KCND2: variants seen among roughly 807,000 people sequenced by gnomAD.
The protein encoded by KCND2 is potassium voltage-gated channel subfamily D member 2, also known as A-type voltage-gated potassium channel KCND2.
In KCND2, 16 loss-of-function variants were observed where a neutral mutation model predicts 54.4. That is an observed-to-expected ratio of 0.29 (90% CI 0.20 to 0.45). The LOEUF is 0.45. KCND2 is among the 20% of genes least tolerant of loss of function. The probability of loss-of-function intolerance (pLI) is 1.00; values close to 1 mark genes in which losing one functional copy is unlikely to be tolerated. For missense variants in KCND2, 486 were observed against 824.2 expected, an observed-to-expected ratio of 0.59 and a Z score of 5.02; for synonymous variants, 317 against 310.7, an observed-to-expected ratio of 1.02 and a Z score of -0.21.
At chr7:120,732,510 T>G (rs1263182406) in intron 1 of KCND2, among the ~76,000 whole-genome samples, 1 of 152,126 alleles carries the variant, frequency 6.6e-6, no homozygotes, top group Non-Finnish European at 1.5e-5. Context: ...CATAACCAAT[T>G]GAATGTTGAA....
At chr7:120,613,987 C>T (rs375654670) in intron 1 of KCND2, among the ~76,000 whole-genome samples, 225 of 150,990 alleles carry the variant, frequency 1.5e-3, no homozygotes, top group African/African-American at 5.0e-3. Flanking sequence ...ATAAACAACT[C>T]TCTAACAAAG....
chr7:120,636,490 TTAAG>T (rs1384550345), intron 1 of KCND2, among the ~76,000 whole-genome samples: 1 of 152,126 alleles, frequency 6.6e-6, no homozygotes, highest in Non-Finnish European at 1.5e-5. Context: ...TTTTGCATAA[TTAAG>T]TAATGAAGCA....
intron 1 of KCND2, among the ~76,000 whole-genome samples, chr7:120,552,284 T>C (rs1439894703): frequency 2.0e-5 from 3 of 152,200 alleles, no homozygotes; most frequent in East Asian, 1.9e-4. Flanking sequence ...GAGTAACTAA[T>C]AGTGAGAACA....
At chr7:120,703,462 T>C (rs996476261) in intron 1 of KCND2, among the ~76,000 whole-genome samples, 13 of 152,200 alleles carry the variant, frequency 8.5e-5, no homozygotes, top group Admixed American at 3.9e-4. Context: ...TCACTCTTTA[T>C]GGTTAAAGTA....
chr7:120,425,461 T>C (rs765741448), intron 1 of KCND2, among the ~76,000 whole-genome samples: 20 of 152,222 alleles, frequency 1.3e-4, no homozygotes, highest in Non-Finnish European at 1.9e-4. Flanking sequence ...TGACATACAG[T>C]GATGATACAC....
chr7:120,521,527 A>G (rs1437974361), intron 1 of KCND2, among the ~76,000 whole-genome samples: 1 of 152,104 alleles, frequency 6.6e-6, no homozygotes, highest in Admixed American at 6.6e-5. Flanking sequence ...ATTAAGTCAC[A>G]TTCAGCAAAG....
At chr7:120,613,422 T>C (rs928685530) in intron 1 of KCND2, among the ~76,000 whole-genome samples, 6 of 152,048 alleles carry the variant, frequency 3.9e-5, no homozygotes, top group African/African-American at 1.2e-4. Context: ...TCACAGTTAC[T>C]TGGGAGGCTG....
At chr7:120,358,470 G>A (rs914256886) in intron 1 of KCND2, among the ~76,000 whole-genome samples, 5 of 152,170 alleles carry the variant, frequency 3.3e-5, no homozygotes, top group African/African-American at 1.2e-4. Flanking sequence ...AAACTTTTCA[G>A]ATTTTGGTGC....
At chr7:120,672,003 C>T (rs1346743497) in intron 1 of KCND2, among the ~76,000 whole-genome samples, 1 of 152,072 alleles carries the variant, frequency 6.6e-6, no homozygotes, top group East Asian at 1.9e-4. Context: ...TCATGGTCTT[C>T]CTGTCTTCAA....
At chr7:120,299,171 T>C (rs1413084941) in intron 1 of KCND2, among the ~76,000 whole-genome samples, 1 of 151,884 alleles carries the variant, frequency 6.6e-6, no homozygotes, top group Non-Finnish European at 1.5e-5. Context: ...AAAAAAAAAA[T>C]TGAGAATGGA....
At chr7:120,654,726 TCAGTAAAGTGCTA>T (rs557212295) in intron 1 of KCND2, among the ~76,000 whole-genome samples, 33 of 152,106 alleles carry the variant, frequency 2.2e-4, no homozygotes, top group African/African-American at 7.7e-4. Flanking sequence ...GCCAAGCAAA[TCAGTAAAGTGCTA>T]CAGTAAAGTG....
At chr7:120,307,374 T>C (rs930965764) in intron 1 of KCND2, among the ~76,000 whole-genome samples, 1 of 152,028 alleles carries the variant, frequency 6.6e-6, no homozygotes, top group African/African-American at 2.4e-5. Flanking sequence ...GTGGTAAAAG[T>C]ATACAAATTT....
chr7:120,449,911 A>G (rs1042488928), intron 1 of KCND2, among the ~76,000 whole-genome samples: 2 of 152,266 alleles, frequency 1.3e-5, no homozygotes, highest in Non-Finnish European at 2.9e-5. Context: ...ATCACTCTTT[A>G]TAATATGAAA....
chr7:120,658,821 A>T lies in KCND2; in HGVS notation c.1116-74082A>T, dbSNP rs1791833767. On this transcript the variant is annotated intron_variant, in intron 1 of 5. Coordinates refer to ENST00000331113, the MANE Select transcript of KCND2 (RefSeq NM_012281.3). ...CATGTCAGTACAATGCATTAATTGA[A>T]AATGTACTTCTTCCACACACCCACA... Among the ~76,000 whole-genome samples, 3 of 152,354 alleles carry T rather than the reference A, an allele frequency of 2.0e-5. No individual in the cohort carries two copies. The South Asian group carries it at 6.2e-4, about 32-fold the overall frequency.
chr7:120,652,988 A>G (rs1352086249), intron 1 of KCND2, among the ~76,000 whole-genome samples: 1 of 152,108 alleles, frequency 6.6e-6, no homozygotes, highest in Non-Finnish European at 1.5e-5. Context: ...TGGTGACAGC[A>G]AGACCTGAGA....
intron 1 of KCND2, among the ~76,000 whole-genome samples, chr7:120,449,377 A>T (rs558645510): frequency 6.6e-6 from 1 of 152,198 alleles, no homozygotes; most frequent in Admixed American, 6.5e-5. Flanking sequence ...TCATCTTCAG[A>T]TAACCCCATA....
intron 1 of KCND2, among the ~76,000 whole-genome samples, chr7:120,351,574 G>A (rs901673243): frequency 1.3e-5 from 2 of 151,852 alleles, no homozygotes; most frequent in African/African-American, 2.4e-5. Flanking sequence ...CTCTTGTTCA[G>A]GGGTCAGATA....
chr7:120,551,680 G>A (rs935421157), intron 1 of KCND2, among the ~76,000 whole-genome samples: 18 of 152,104 alleles, frequency 1.2e-4, no homozygotes, highest in Admixed American at 3.3e-4. Context: ...TGAGAGGTTC[G>A]GATTTATAGC....
intron 1 of KCND2, among the ~76,000 whole-genome samples, chr7:120,651,614 C>T (rs1791734581): frequency 6.6e-6 from 1 of 152,126 alleles, no homozygotes; most frequent in African/African-American, 2.4e-5. Context: ...ATGGGCTGCA[C>T]CCACTGTCCT....
Sources: allele counts gnomAD v4.1 joint callset (sites outside exome capture counted in the v4.1 genomes callset), GRCh38; gene constraint gnomAD v4.1.1; transcripts MANE v1.5; gene names NCBI Gene and HGNC (gene_info 2026-07-23, HGNC 2026-07-21).